Variants in ZNF440 observed in about 807,000 individuals in gnomAD.
ZNF440 encodes the protein zinc finger protein 440.
Under a neutral mutation model 49.7 loss-of-function variants are expected in ZNF440, and 47 were observed. That is an observed-to-expected ratio of 0.95 (90% CI 0.75 to 1.21). The LOEUF is 1.21. Ranked by LOEUF, ZNF440 falls within the 50% of genes most tolerant of loss-of-function variation. The pLI is 0.00. For synonymous variants in ZNF440, 255 were observed against 237.7 expected (o/e 1.07, Z -0.67); for missense variants, 703 against 715.0 (o/e 0.98, Z 0.19).
chr19:11,829,997 C>T (rs1165145905), intron 1 of ZNF440: 18 of 448,006 alleles, frequency 4.0e-5, no homozygotes, highest in Non-Finnish European at 6.8e-5. Flanking sequence ...TGGCATATGC[C>T]TGTAATCTTA....
intron 1 of ZNF440, chr19:11,817,626 A>AC (rs1975748730): frequency 6.6e-6 from 1 of 151,720 alleles, no homozygotes; most frequent in South Asian, 2.1e-4. Context: ...AACAAACAAG[A>AC]CAGAGTTCAA....
At chr19:11,817,849 A>T (rs901408995) in intron 1 of ZNF440, among the ~76,000 whole-genome samples, 7 of 152,090 alleles carry the variant, frequency 4.6e-5, no homozygotes, top group Non-Finnish European at 7.4e-5. Flanking sequence ...CACAAAATTT[A>T]TTACTCTGTT....
chr19:11,829,316 G>T (rs373330076), intron 1 of ZNF440, among the ~76,000 whole-genome samples: 4 of 150,780 alleles, frequency 2.7e-5, no homozygotes, highest in African/African-American at 7.3e-5. Flanking sequence ...CTACCTAGGT[G>T]ATTCCCCTCC....
chr19:11,831,985 C>G lies in ZNF440; in HGVS notation c.809C>G (p.Ser270Cys), dbSNP rs375234704. 2.6e-5 allele frequency: 42 copies of G among 1,613,566 alleles called. No individual in the cohort carries two copies. Among genetic ancestry groups the G allele is most frequent in the Non-Finnish European group, 3.5e-5 (41 of 1,179,816 alleles). The change falls in exon 4 of 4, where the codon TCC (serine) becomes TGC (cysteine). Residue 270 changes from serine to cysteine, a missense_variant. Coordinates refer to ENST00000304060, the MANE Select transcript of ZNF440 (RefSeq NM_152357.3). ...ECGKAFHSPR[S>C]YRRHERIHMG... ...GGGAAAGCATTTCATAGTCCCAGAT[C>G]CTATCGTAGACATGAAAGGATTCAC...
intron 1 of ZNF440, among the ~76,000 whole-genome samples, chr19:11,826,985 A>G (rs2145126383): frequency 6.6e-6 from 1 of 151,688 alleles, no homozygotes; most frequent in South Asian, 2.1e-4. Flanking sequence ...CTCTTTAATA[A>G]CATGTAATGT....
chr19:11,830,855 T>A (rs1975928107), intron 3 of ZNF440, among the ~76,000 whole-genome samples, 178 bp downstream of exon 3: 1 of 152,176 alleles, frequency 6.6e-6, no homozygotes, highest in African/African-American at 2.4e-5. Context: ...ACTCCTGTAA[T>A]CCCAATCCTT....
At chr19:11,819,115 C>CT (rs1975767652) in intron 1 of ZNF440, among the ~76,000 whole-genome samples, 2 of 151,996 alleles carry the variant, frequency 1.3e-5, no homozygotes, top group Non-Finnish European at 2.9e-5. Context: ...CAAGACCAGC[C>CT]TGGGCAACAT....
In ZNF440 at chr19:11,834,258, C is replaced by G. The variant is rs1975991101; in HGVS notation, c.*1294C>G. On this transcript the variant is annotated 3_prime_UTR_variant, in exon 4 of 4. Coordinates refer to ENST00000304060, the MANE Select transcript of ZNF440 (RefSeq NM_152357.3). ...TCTCCTGCCTCAGTCTCCTGAGTAG[C>G]TGGGACTACAGGCATGCGCCACCAT... 5.7e-6 allele frequency: 1 copy of G among 175,378 alleles called. No individual in the cohort carries two copies. Among genetic ancestry groups the G allele is most frequent in the Non-Finnish European group, 1.2e-5 (1 of 81,036 alleles). The allele number at this position is 175,378 out of a possible 1,614,324, so 10.9% of individuals were successfully genotyped here.
At chr19:11,822,830 A>G (rs1259684058) in intron 1 of ZNF440, among the ~76,000 whole-genome samples, 7 of 109,914 alleles carry the variant, frequency 6.4e-5, no homozygotes, top group African/African-American at 2.4e-4. Context: ...CTGGGCAACA[A>G]GAGTGAAACT....
In ZNF440 at chr19:11,832,849, T is replaced by G; in HGVS notation, c.1673T>G (p.Phe558Cys). 1 of 1,612,698 alleles carries G rather than the reference T, an allele frequency of 6.2e-7. No individual in the cohort carries two copies. Among genetic ancestry groups the G allele is most frequent in the East Asian group, 2.2e-5 (1 of 44,804 alleles). Reference sequence around the variant, plus strand: ...AAGCCTTCAGATCTGCCCCACACCTTTGAATACGTGGTAGGACACACAATG... The same window carrying G: ...AAGCCTTCAGATCTGCCCCACACCTGTGAATACGTGGTAGGACACACAATG... ...DGKPSDLPHTFEYVVGHTMER... is the reference protein window; with the variant it reads ...DGKPSDLPHTCEYVVGHTMER... Residue 558 changes from phenylalanine (F) to cysteine (C), a missense_variant, in exon 4 of 4, where the codon TTT (phenylalanine) becomes TGT (cysteine). Coordinates refer to ENST00000304060, the MANE Select transcript of ZNF440 (RefSeq NM_152357.3).
In ZNF440 at chr19:11,833,202, G is replaced by T; in HGVS notation, c.*238G>T. 8.9e-7 allele frequency: 1 copy of T among 1,124,244 alleles called. No homozygotes were observed. 69.6% of individuals were successfully genotyped at this position (1,124,244 alleles called of 1,614,324 possible). A position where few individuals can be genotyped will look rare whatever the true frequency, so the allele number is the denominator to read the frequency against. ...GCCTTCAGATCTGTCAAAAATCTTC[G>T]ATTTCATAAAAGGACACACACTGGA... On this transcript the variant is annotated 3_prime_UTR_variant, in exon 4 of 4. Coordinates refer to ENST00000304060, the MANE Select transcript of ZNF440 (RefSeq NM_152357.3).
chr19:11,830,350 C>T lies in ZNF440; in HGVS notation c.71C>T (p.Ser24Phe). 1 of 1,614,112 alleles carries T rather than the reference C, an allele frequency of 6.2e-7. No homozygotes were observed. The highest frequency in any genetic ancestry group is 1.1e-5 in the South Asian group (1 of 91,088). ...GAGGAGTGGGCTTTGCTGGATATTT[C>T]CCAGAGGAAACTCTACAGGGAAGTG... ...TQEEWALLDI[S>F]QRKLYREVML... Residue 24 changes from serine (S) to phenylalanine (F), a missense_variant, in exon 2 of 4, where the codon TCC becomes TTC. Ser to Phe is a radical substitution (Grantham distance 155). Transcript: ENST00000304060.
In ZNF440 at chr19:11,832,529, A is replaced by G. The variant is rs376098382; in HGVS notation, c.1353A>G (p.Ile451Met). ...AAAGGACACAAACACACATAAGAAT[A>G]CACTCTGGAGAAAGACGTTATAAAT... ...SHERTQTHIR[I>M]HSGERRYKCK... Residue 451 changes from isoleucine (I) to methionine (M), a missense_variant, in exon 4 of 4, where the codon ATA (isoleucine) becomes ATG (methionine). Coordinates refer to ENST00000304060, the MANE Select transcript of ZNF440 (RefSeq NM_152357.3). The G allele has an allele frequency of 1.6e-5, 26 of 1,612,746 alleles. No individual in the cohort carries two copies. In the African/African-American group the frequency reaches 3.2e-4, roughly 20 times the overall value.
Position 11,831,492 on chromosome 19 carries a change from T to C in ZNF440, c.316T>C (p.Cys106Arg), listed in dbSNP as rs545807134. 1.9e-6 allele frequency: 3 copies of C among 1,614,000 alleles called. No homozygotes were observed. Among genetic ancestry groups the C allele is most frequent in the African/African-American group, 1.3e-5 (1 of 75,044 alleles). Residue 106 changes from cysteine (C) to arginine (R), a missense_variant, in exon 4 of 4, where the codon TGT becomes CGT. Physicochemically the swap from Cys to Arg is radical, Grantham distance 180. Transcript: ENST00000304060. ...EKKASPEVKS[C>R]ESFVCGEVGL... is the part of the protein sequence containing the mutation. ...GAAAGCTTCTCCTGAAGTAAAATCATGTGAAAGCTTTGTGTGTGGAGAAGT... is the reference window on the plus strand; with the variant it reads ...GAAAGCTTCTCCTGAAGTAAAATCACGTGAAAGCTTTGTGTGTGGAGAAGT...
chr19:11,821,275 C>T (rs1975796711), intron 1 of ZNF440, among the ~76,000 whole-genome samples: 1 of 152,090 alleles, frequency 6.6e-6, no homozygotes, highest in Admixed American at 6.6e-5. Context: ...AGGGGACAGA[C>T]TGAGGTAGGA....
Position 11,832,531 on chromosome 19 carries a change from ACT to A in ZNF440, c.1358_1359del (p.Ser453TrpfsTer6), listed in dbSNP as rs748477431. ...AGGACACAAACACACATAAGAATAC[ACT>A]CTGGAGAAAGACGTTATAAATGTAA... On this transcript the variant is annotated frameshift_variant, in exon 4 of 4. Transcript: ENST00000304060. LOFTEE classifies it high-confidence loss of function. The A allele has an allele frequency of 2.5e-6, 4 of 1,613,928 alleles. No homozygotes were observed. In the East Asian group the frequency reaches 8.9e-5, roughly 36 times the overall value.
chr19:11,814,935 G>T (rs1975713488), intron 1 of ZNF440, among the ~76,000 whole-genome samples: 1 of 152,064 alleles, frequency 6.6e-6, no homozygotes, highest in Admixed American at 6.6e-5. Flanking sequence ...ATTGGCTAGG[G>T]TTGGACCTCA....
rs1321729432 is a variant in ZNF440, at chr19:11,834,115, CTTAAT to C, written c.*1154_*1158del. ...TCTGTACTTACATTTTTATCTCAAC[CTTAAT>C]TTTTCTTTCTTTTTTTTTTTCCCCC... On this transcript the variant is annotated 3_prime_UTR_variant, in exon 4 of 4. Transcript: ENST00000304060. 6.8e-6 allele frequency: 2 copies of C among 293,136 alleles called. No homozygotes were observed. The highest frequency in any genetic ancestry group is 1.3e-5 in the Non-Finnish European group (2 of 150,474). 18.2% of individuals were successfully genotyped at this position (293,136 alleles called of 1,614,324 possible).
intron 1 of ZNF440, among the ~76,000 whole-genome samples, chr19:11,815,148 G>A (rs1209044334): frequency 6.6e-6 from 1 of 151,896 alleles, no homozygotes; most frequent in African/African-American, 2.4e-5. Context: ...ATGGTGGCGG[G>A]CGCCTGTAGT....
Sources: gnomAD v4.1 joint callset for allele counts (sites outside exome capture counted in the v4.1 genomes callset) on GRCh38, gnomAD v4.1.1 for gene constraint, MANE v1.5 for transcripts, NCBI Gene and HGNC (gene_info 2026-07-23, HGNC 2026-07-21) for gene names.